ENOX1: variants seen among roughly 807,000 people sequenced by gnomAD.
ENOX1 encodes ecto-NOX disulfide-thiol exchanger 1, also known as candidate growth-related and time keeping constitutive hydroquinone (NADH) oxidase.
ENOX1 carries 42 observed loss-of-function variants against 82.5 expected under a neutral mutation model. The observed-to-expected ratio is 0.51, with a 90% confidence interval of 0.40 to 0.66. ENOX1 has a LOEUF of 0.66. ENOX1 is among the 30% of genes least tolerant of loss of function. The probability of loss-of-function intolerance (pLI) is 0.00; values close to 1 mark genes in which losing one functional copy is unlikely to be tolerated. For synonymous variants in ENOX1, 271 were observed against 282.2 expected (o/e 0.96, Z 0.40); for missense variants, 608 against 811.6 (o/e 0.75, Z 3.05).
intron 2 of ENOX1, among the ~76,000 whole-genome samples, chr13:43,531,921 T>C (rs1196332899): frequency 7.6e-6 from 1 of 131,120 alleles, no homozygotes; most frequent in Non-Finnish European, 1.6e-5. Context: ...CTGGGGCCTG[T>C]TGTGGGGTGA....
At chr13:43,565,343 AGTCCAACTTTGAAC>A (rs896937268) in intron 2 of ENOX1, among the ~76,000 whole-genome samples, 3 of 152,170 alleles carry the variant, frequency 2.0e-5, no homozygotes, top group African/African-American at 7.2e-5. Flanking sequence ...GTAATTGTGA[AGTCCAACTTTGAAC>A]GTCAAGCACA....
intron 1 of ENOX1, among the ~76,000 whole-genome samples, chr13:43,677,941 T>A (rs1331006910): frequency 6.6e-6 from 1 of 152,216 alleles, no homozygotes; most frequent in Non-Finnish European, 1.5e-5. Flanking sequence ...TTTATGTTAG[T>A]CTGTCTTGTC....
intron 12 of ENOX1, among the ~76,000 whole-genome samples, chr13:43,273,325 C>T (rs1027961620): frequency 6.6e-6 from 1 of 152,132 alleles, no homozygotes; most frequent in African/African-American, 2.4e-5. Flanking sequence ...TCCTGTTCCC[C>T]CTGCCATTTA....
At chr13:43,480,892 A>G (rs1318983706) in intron 3 of ENOX1, among the ~76,000 whole-genome samples, 2 of 152,188 alleles carry the variant, frequency 1.3e-5, no homozygotes, top group Non-Finnish European at 2.9e-5. Flanking sequence ...TATATCAGAT[A>G]GCTTCACCAG....
chr13:43,676,057 C>T (rs1401358853), intron 1 of ENOX1, among the ~76,000 whole-genome samples: 1 of 152,186 alleles, frequency 6.6e-6, no homozygotes, highest in East Asian at 1.9e-4. Context: ...ACTGCACAAG[C>T]TCTCCAAATC....
At chr13:43,755,114 T>C (rs1950580941) in intron 1 of ENOX1, among the ~76,000 whole-genome samples, 1 of 151,692 alleles carries the variant, frequency 6.6e-6, no homozygotes, top group Non-Finnish European at 1.5e-5. Context: ...TGTTATAAAC[T>C]CCAGAACACA....
intron 3 of ENOX1, among the ~76,000 whole-genome samples, chr13:43,475,145 G>A (rs2058226675): frequency 6.6e-6 from 1 of 152,062 alleles, no homozygotes; most frequent in Non-Finnish European, 1.5e-5. Context: ...CATTATGATG[G>A]CTATTGATAA....
chr13:43,414,784 T>C (rs1483511277), intron 3 of ENOX1, among the ~76,000 whole-genome samples: 1 of 152,238 alleles, frequency 6.6e-6, no homozygotes, highest in East Asian at 1.9e-4. Context: ...CCTCAGATTC[T>C]TCCCAAATGG....
At chr13:43,255,778 A>C (rs1413169788) in intron 14 of ENOX1, among the ~76,000 whole-genome samples, 1 of 152,216 alleles carries the variant, frequency 6.6e-6, no homozygotes, top group Admixed American at 6.5e-5. Flanking sequence ...TTACACAAAA[A>C]AATGGAAAGA....
intron 16 of ENOX1, among the ~76,000 whole-genome samples, chr13:43,216,140 G>C (rs1316915261): frequency 6.6e-6 from 1 of 152,162 alleles, no homozygotes; most frequent in Non-Finnish European, 1.5e-5. Context: ...GGAGGTTGCA[G>C]TAAGCCGAGA....
At chr13:43,675,847 G>T (rs926312951) in intron 1 of ENOX1, among the ~76,000 whole-genome samples, 28 of 152,290 alleles carry the variant, frequency 1.8e-4, no homozygotes, top group Admixed American at 1.8e-3. Flanking sequence ...TAAGGGTGGA[G>T]GTGCTGCTCC....
Position 43,331,142 on chromosome 13 carries a change from T to C in ENOX1, c.1037-4617A>G, listed in dbSNP as rs563509795. On this transcript the variant is annotated intron_variant, in intron 9 of 16. Transcript: ENST00000690772. ...CACTGGGTGCAAAAGCTCAGATTTC[T>C]GGGCTGCACAAGACTCCTGAATTTC... 1.2e-3 allele frequency among the ~76,000 whole-genome samples: 181 copies of C among 152,336 alleles called. 1 individual carries two copies. In the Middle Eastern group the frequency reaches 0.014, roughly 11 times the overall value.
Position 43,278,167 on chromosome 13 carries a change from GATTTA to G in ENOX1, c.1447-8595_1447-8591del, listed in dbSNP as rs2045170443. 2.0e-5 allele frequency among the ~76,000 whole-genome samples: 3 copies of G among 152,226 alleles called. No homozygotes were observed. In the South Asian group the frequency reaches 6.2e-4, roughly 32 times the overall value. On this transcript the variant is annotated intron_variant, in intron 12 of 16. Coordinates refer to ENST00000690772, the MANE Select transcript of ENOX1 (RefSeq NM_001347969.2). ...TTCTAATTGTTGCCATTACTGTTAA[GATTTA>G]ATAATATGTATGTAATCTTCAAATT...
Position 43,279,813 on chromosome 13 carries a change from A to G in ENOX1, c.1447-10236T>C, listed in dbSNP as rs537783691. On this transcript the variant is annotated intron_variant, in intron 12 of 16. Transcript: ENST00000690772. ...GGCAGTACTGGGGATTAATATTCAG[A>G]GAGAAAGGTCGGTTGTTCAGCCCCA... Among the ~76,000 whole-genome samples, 22 of 152,318 alleles carry G rather than the reference A, an allele frequency of 1.4e-4. No individual in the cohort carries two copies. The Middle Eastern group carries it at 0.01, about 71-fold the overall frequency.
chr13:43,729,890 A>T (rs2089229910), intron 1 of ENOX1, among the ~76,000 whole-genome samples: 1 of 152,216 alleles, frequency 6.6e-6, no homozygotes, highest in South Asian at 2.1e-4. Flanking sequence ...ATGTGCTGCC[A>T]AAGTGAGCAC....
intron 3 of ENOX1, among the ~76,000 whole-genome samples, chr13:43,426,525 C>T (rs1356064098): frequency 6.6e-6 from 1 of 152,114 alleles, no homozygotes; most frequent in Non-Finnish European, 1.5e-5. Flanking sequence ...AGATCTTCTG[C>T]TTTTCAAGTC....
intron 2 of ENOX1, among the ~76,000 whole-genome samples, chr13:43,510,434 T>G (rs1420408045): frequency 6.6e-6 from 1 of 152,122 alleles, no homozygotes; most frequent in Non-Finnish European, 1.5e-5. Context: ...TCTGTAAAAT[T>G]TTTAAATGAA....
At chr13:43,630,519 G>A (rs887225170) in intron 2 of ENOX1, among the ~76,000 whole-genome samples, 1 of 152,010 alleles carries the variant, frequency 6.6e-6, no homozygotes, top group African/African-American at 2.4e-5. Context: ...AAGGGTTTTT[G>A]TTGGTTTTAC....
chr13:43,393,943 A>C (rs956131319), intron 5 of ENOX1, among the ~76,000 whole-genome samples: 4 of 151,800 alleles, frequency 2.6e-5, no homozygotes, highest in African/African-American at 9.7e-5. Context: ...TTCACAGGAG[A>C]GTTGGTTGTT....
Sources: allele counts gnomAD v4.1 joint callset (sites outside exome capture counted in the v4.1 genomes callset), GRCh38; gene constraint gnomAD v4.1.1; transcripts MANE v1.5; gene names NCBI Gene and HGNC (gene_info 2026-07-23, HGNC 2026-07-21).